The following BRWD1 variants were observed in gnomAD, a reference collection of about 807,000 sequenced individuals.
The protein encoded by BRWD1 is bromodomain and WD repeat domain containing 1, also known as bromodomain and WD repeat-containing protein 1.
Under a neutral mutation model 251.2 loss-of-function variants are expected in BRWD1, and 82 were observed. The ratio of observed to expected loss-of-function variants is 0.33; its 90% CI spans 0.27 to 0.39. BRWD1 has a LOEUF of 0.39. Among genes scored for constraint, BRWD1 ranks in the 10% least tolerant of loss-of-function variants. BRWD1 has a pLI of 1.00. For missense variants in BRWD1, 2,233 were observed against 2,711.6 expected, an observed-to-expected ratio of 0.82 and a Z score of 3.92; for synonymous variants, 918 against 902.8, an observed-to-expected ratio of 1.02 and a Z score of -0.30.
chr21:39,269,838 T>G (rs1024633476), intron 15 of BRWD1, 61 bp downstream of exon 15: 1 of 1,336,798 alleles, frequency 7.5e-7, no homozygotes, highest in Non-Finnish European at 9.8e-7. Flanking sequence ...CTAAGCCGCA[T>G]AACCCAAATA....
At chr21:39,185,319 A>AAAAAAAAAAAAAAAAAAAAAAAAAAT (rs2031167335), downstream of BRWD1, 1 of 132,832 alleles carries the variant, frequency 7.5e-6, no homozygotes. Context: ...AAAAAAAAAA[A>AAAAAAAAAAAAAAAAAAAAAAAAAAT]AAACTTTGCA....
Position 39,188,636 on chromosome 21 carries a change from G to A in BRWD1, c.*7623C>T. 1.0e-6 allele frequency: 1 copy of A among 985,388 alleles called. No homozygotes were observed. The allele number at this position is 985,388 out of a possible 1,614,324, so 61.0% of individuals were successfully genotyped here. A position where few individuals can be genotyped will look rare whatever the true frequency, so the allele number is the denominator to read the frequency against. On this transcript the variant is annotated 3_prime_UTR_variant, in exon 41 of 41. Transcript: ENST00000342449. ...GTGGACTGACATGTTCATACAGCTA[G>A]ACTAATGAGGCAGGCCTCTGCCCTC...
upstream of BRWD1, among the ~76,000 whole-genome samples, chr21:39,316,416 G>A (rs1225466231): frequency 2.6e-5 from 4 of 152,176 alleles, no homozygotes; most frequent in African/African-American, 9.7e-5. Context: ...GTGGGACAGT[G>A]ATCTGATGCT....
At chr21:39,210,511 G>C (rs1485139291) in intron 35 of BRWD1, among the ~76,000 whole-genome samples, 1 of 151,928 alleles carries the variant, frequency 6.6e-6, no homozygotes, top group Non-Finnish European at 1.5e-5. Context: ...AGTTCTCCTA[G>C]TGCTGGGCCT....
Position 39,196,216 on chromosome 21 carries a change from T to C in BRWD1, c.*43A>G. 1 of 1,507,534 alleles carries C rather than the reference T, an allele frequency of 6.6e-7. No individual in the cohort carries two copies. Among genetic ancestry groups the C allele is most frequent in the Non-Finnish European group, 8.8e-7 (1 of 1,132,604 alleles). 93.4% of individuals were successfully genotyped at this position (1,507,534 alleles called of 1,614,324 possible). ...TTTAACAGCCAGCTTTCACCATAAA[T>C]GCCAGTCCATTTCCTCTTAAATGAA... On this transcript the variant is annotated 3_prime_UTR_variant, in exon 41 of 41. Coordinates refer to ENST00000342449, the MANE Select transcript of BRWD1 (RefSeq NM_033656.4).
intron 23 of BRWD1, chr21:39,235,952 G>C: frequency 9.6e-6 from 2 of 207,480 alleles, no homozygotes; most frequent in Non-Finnish European, 2.1e-5. Flanking sequence ...GGTTCACAAA[G>C]GTGGCAAGAG....
intron 7 of BRWD1, among the ~76,000 whole-genome samples, chr21:39,295,388 C>T (rs1024838324): frequency 6.6e-5 from 10 of 151,752 alleles, no homozygotes; most frequent in African/African-American, 2.4e-4. Flanking sequence ...GGGGTTTCAC[C>T]GTGTTAGCCA....
chr21:39,235,729 C>CGA (rs2033787455), intron 23 of BRWD1: 2 of 186,822 alleles, frequency 1.1e-5, no homozygotes, highest in South Asian at 2.3e-4. Context: ...TTACAAAACT[C>CGA]TAATGCTACT....
At position 39,295,445 on chromosome 21, in the gene BRWD1, C is replaced by T. The variant is rs1199769381; in HGVS notation, c.609+298G>A. Among the ~76,000 whole-genome samples the T allele has an allele frequency of 2.0e-5, 3 of 152,094 alleles. No homozygotes were observed. In the East Asian group the frequency reaches 5.8e-4, roughly 29 times the overall value. ...CTCGTGATCCGCCTGTCTCGGCCGC[C>T]CAAAGTGCTGGGATTACAGGCGTGA... On this transcript the variant is annotated intron_variant, in intron 7 of 40. Transcript: ENST00000342449.
rs2031493902 is a variant in BRWD1, at chr21:39,190,448, C to T, written c.*5811G>A. On this transcript the variant is annotated 3_prime_UTR_variant, in exon 41 of 41. Transcript: ENST00000342449. ...AAAACATACTAGCCTCTTTCATAAACTCCTAGAATCTTGACATTATTGGTT... is the reference window on the plus strand; with the variant it reads ...AAAACATACTAGCCTCTTTCATAAATTCCTAGAATCTTGACATTATTGGTT... 2 of 985,190 alleles carry T rather than the reference C, an allele frequency of 2.0e-6. No individual in the cohort carries two copies. Among genetic ancestry groups the T allele is most frequent in the South Asian group, 9.4e-5 (2 of 21,282 alleles). 61.0% of individuals were successfully genotyped at this position (985,190 alleles called of 1,614,324 possible).
Position 39,188,227 on chromosome 21 carries a change from G to A in BRWD1, c.*8032C>T, listed in dbSNP as rs1162985076. On this transcript the variant is annotated 3_prime_UTR_variant, in exon 41 of 41. Coordinates refer to ENST00000342449, the MANE Select transcript of BRWD1 (RefSeq NM_033656.4). ...GAAGTTCACGGGCCCTTGAATTTTA[G>A]GTCTTTCTTGCAGCCATGAACAGTC... 1.0e-6 allele frequency: 1 copy of A among 985,222 alleles called. No individual in the cohort carries two copies. Among genetic ancestry groups the A allele is most frequent in the African/African-American group, 1.7e-5 (1 of 57,212 alleles). The allele number at this position is 985,222 out of a possible 1,614,324, so 61.0% of individuals were successfully genotyped here. A position where few individuals can be genotyped will look rare whatever the true frequency, so the allele number is the denominator to read the frequency against.
chr21:39,254,811 C>T (rs1474898009), intron 19 of BRWD1, among the ~76,000 whole-genome samples: 4 of 152,086 alleles, frequency 2.6e-5, no homozygotes, highest in African/African-American at 9.7e-5. Context: ...TCACAAAAAC[C>T]GAGGAGGCTA....
chr21:39,221,352 T>C (rs2033169870), intron 29 of BRWD1, among the ~76,000 whole-genome samples: 1 of 152,160 alleles, frequency 6.6e-6, no homozygotes, highest in Non-Finnish European at 1.5e-5. Context: ...TGATTTACTC[T>C]ATAAGCATAG....
chr21:39,210,727 C>G, intron 35 of BRWD1, 59 bp downstream of exon 35: 1 of 1,523,158 alleles, frequency 6.6e-7, no homozygotes, highest in Non-Finnish European at 8.8e-7. Flanking sequence ...ATAACTCTAC[C>G]CCAGTTTCCT....
intron 4 of BRWD1, among the ~76,000 whole-genome samples, chr21:39,310,599 G>A (rs546872330): frequency 6.3e-5 from 8 of 127,910 alleles, no homozygotes; most frequent in African/African-American, 9.2e-5. Flanking sequence ...AAAACAGACT[G>A]TCTCAAAAAA....
rs2031334149 is a variant in BRWD1 at position 39,187,878 on chromosome 21, T to C, written c.*8381A>G. Reference sequence around the variant, plus strand: ...GCTATGAGAACACAGACTGGAAACCTAACCTAGCCTAAGGGATCAAGGAAG... The same window carrying C: ...GCTATGAGAACACAGACTGGAAACCCAACCTAGCCTAAGGGATCAAGGAAG... On this transcript the variant is annotated 3_prime_UTR_variant, in exon 41 of 41. Coordinates refer to ENST00000342449, the MANE Select transcript of BRWD1 (RefSeq NM_033656.4). 1.0e-6 allele frequency: 1 copy of C among 981,000 alleles called. No homozygotes were observed. The highest frequency in any genetic ancestry group is 1.8e-5 in the African/African-American group (1 of 57,102). The allele number at this position is 981,000 out of a possible 1,614,324, so 60.8% of individuals were successfully genotyped here.
intron 35 of BRWD1, among the ~76,000 whole-genome samples, 161 bp from the exon 36 acceptor site, chr21:39,210,308 G>A (rs1193179895): frequency 6.6e-6 from 1 of 152,002 alleles, no homozygotes; most frequent in East Asian, 1.9e-4. Context: ...TAAAAACAAA[G>A]AAAAGATAGA....
rs1054103006 is a variant in BRWD1, at chr21:39,298,589, G to T, written c.199-7C>A. The T allele has an allele frequency of 1.9e-6, 3 of 1,572,648 alleles. No individual in the cohort carries two copies. Among genetic ancestry groups the T allele is most frequent in the African/African-American group, 1.4e-5 (1 of 72,940 alleles). On this transcript the variant is annotated splice_region_variant and splice_polypyrimidine_tract_variant and intron_variant, in intron 4 of 40. Transcript: ENST00000342449. ...CATGCTTATTGGACAAGACCTAGTT[G>T]GAGAGCAAGTTTTAATGACAACAGC...
intron 15 of BRWD1, among the ~76,000 whole-genome samples, chr21:39,267,765 A>C (rs959913335): frequency 3.3e-5 from 5 of 152,246 alleles, no homozygotes; most frequent in African/African-American, 1.2e-4. Flanking sequence ...GGCTATTCAA[A>C]GTGTTATTGT....
Sources: allele counts gnomAD v4.1 joint callset (sites outside exome capture counted in the v4.1 genomes callset), GRCh38; gene constraint gnomAD v4.1.1; transcripts MANE v1.5; gene names NCBI Gene and HGNC (gene_info 2026-07-23, HGNC 2026-07-21).